DNAJB14: variants seen among roughly 807,000 people sequenced by gnomAD.
DNAJB14 encodes dnaJ homolog subfamily B member 14.
Under a neutral mutation model 48.4 loss-of-function variants are expected in DNAJB14, and 22 were observed. That is an observed-to-expected ratio of 0.45 (90% CI 0.32 to 0.65). DNAJB14 has a LOEUF of 0.65. Among genes scored for constraint, DNAJB14 ranks in the 30% least tolerant of loss-of-function variants. The pLI, the probability that DNAJB14 is intolerant of heterozygous loss-of-function variation, is 0.03. For missense variants in DNAJB14, 319 were observed against 458.8 expected (o/e 0.70, Z 2.78); for synonymous variants, 142 against 158.7 (o/e 0.89, Z 0.79).
At chr4:99,904,481 C>A (rs904608913) in intron 6 of DNAJB14, among the ~76,000 whole-genome samples, 2 of 152,074 alleles carry the variant, frequency 1.3e-5, no homozygotes, top group Non-Finnish European at 2.9e-5. Flanking sequence ...AAATTACCTT[C>A]AGGCTGTGTG....
At chr4:99,938,938 C>T (rs1726790005) in intron 1 of DNAJB14, among the ~76,000 whole-genome samples, 1 of 151,980 alleles carries the variant, frequency 6.6e-6, no homozygotes, top group African/African-American at 2.4e-5. Context: ...ATAAACGATA[C>T]CACTGCATAA....
At chr4:99,925,095 C>G (rs906609278) in intron 2 of DNAJB14, 1 of 385,328 alleles carries the variant, frequency 2.6e-6, no homozygotes, top group African/African-American at 2.1e-5. Flanking sequence ...TCCTTGAATA[C>G]CAAAATCTAC....
chr4:99,930,320 GAC>G (rs1388440200), intron 2 of DNAJB14, 128 bp downstream of exon 2: 1 of 866,702 alleles, frequency 1.2e-6, no homozygotes, highest in Non-Finnish European at 1.7e-6. Flanking sequence ...TGAAGCATAA[GAC>G]ACACCCAGAG....
chr4:99,925,040 T>C, intron 2 of DNAJB14: 2 of 490,466 alleles, frequency 4.1e-6, no homozygotes, highest in Non-Finnish European at 7.2e-6. Flanking sequence ...TAAAATACAC[T>C]GTCATCCCTT....
chr4:99,903,763 A>G lies in DNAJB14; in HGVS notation c.978T>C (p.Thr326=), dbSNP rs1439005416. Residue 326 remains threonine, a synonymous_variant, in exon 7 of 8, where the codon ACT becomes ACC. Transcript: ENST00000442697. ...VEKSVEEDYV[T]NIRNNCWKER... ...CTTTCCAGCAGTTATTTCGAATATT[A>G]GTCACATAATCTTCCTCCACACTCT... 1 of 1,610,256 alleles carries G rather than the reference A, an allele frequency of 6.2e-7. No homozygotes were observed. Among genetic ancestry groups the G allele is most frequent in the African/African-American group, 1.3e-5 (1 of 74,578 alleles).
At chr4:99,944,086 C>T (rs1025009129) in intron 1 of DNAJB14, among the ~76,000 whole-genome samples, 2 of 150,996 alleles carry the variant, frequency 1.3e-5, no homozygotes, top group African/African-American at 2.4e-5. Context: ...AGGACTTGAA[C>T]AGACATTTTC....
intron 3 of DNAJB14, among the ~76,000 whole-genome samples, chr4:99,919,576 T>C (rs1725979419): frequency 1.4e-5 from 2 of 141,286 alleles, no homozygotes; most frequent in Admixed American, 1.4e-4. Context: ...AGAGCAAGAC[T>C]CCATCTTAAA....
intron 7 of DNAJB14, among the ~76,000 whole-genome samples, 162 bp from the exon 8 acceptor site, chr4:99,901,314 T>A (rs893779870): frequency 6.6e-6 from 1 of 151,896 alleles, no homozygotes; most frequent in Non-Finnish European, 1.5e-5. Context: ...AGGAAAAAAA[T>A]TTTAATGAAA....
rs772617492 is a variant in DNAJB14 at position 99,900,985 on chromosome 4, AAAAAT to A, written c.*38_*42del. ...TGATGAAACCAAACTTACTTACAGAAAAAATAAAGAGTACGCTAAAAGGTATAAAT... is the reference window on the plus strand; with the variant it reads ...TGATGAAACCAAACTTACTTACAGAAAAAGAGTACGCTAAAAGGTATAAAT... On this transcript the variant is annotated 3_prime_UTR_variant, in exon 8 of 8. Coordinates refer to ENST00000442697, the MANE Select transcript of DNAJB14 (RefSeq NM_001031723.4). 37 of 1,571,784 alleles carry A rather than the reference AAAAAT, an allele frequency of 2.4e-5. No individual in the cohort carries two copies. The highest frequency in any genetic ancestry group is 3.0e-5 in the Non-Finnish European group (35 of 1,164,204).
chr4:99,924,958 AC>A lies in DNAJB14; in HGVS notation c.306-1774del, dbSNP rs1726197727. On this transcript the variant is annotated intron_variant, in intron 2 of 7. Coordinates refer to ENST00000442697, the MANE Select transcript of DNAJB14 (RefSeq NM_001031723.4). ...TCATTTATCCCATTTAAGTGTGAAT[AC>A]CTGTATGTTTTGCTGTAGAAATGTT... 7.9e-6 allele frequency: 5 copies of A among 633,566 alleles called. No individual in the cohort carries two copies. In the South Asian group the frequency reaches 9.2e-5, roughly 12 times the overall value. 39.2% of individuals were successfully genotyped at this position (633,566 alleles called of 1,614,324 possible).
chr4:99,903,286 G>A (rs1725355317), intron 7 of DNAJB14, among the ~76,000 whole-genome samples: 1 of 151,986 alleles, frequency 6.6e-6, no homozygotes, highest in Non-Finnish European at 1.5e-5. Context: ...AAAGAAAAAA[G>A]AAATGTCAAC....
intron 1 of DNAJB14, among the ~76,000 whole-genome samples, chr4:99,932,655 A>G (rs901607778): frequency 6.6e-6 from 1 of 152,192 alleles, no homozygotes; most frequent in African/African-American, 2.4e-5. Flanking sequence ...TCCTAAGTAC[A>G]TATCCAAGAG....
In DNAJB14 at chr4:99,934,894, TA is replaced by T. The variant is rs1373566885; in HGVS notation, c.134-4274del. 2.7e-5 allele frequency among the ~76,000 whole-genome samples: 4 copies of T among 146,820 alleles called. No individual in the cohort carries two copies. In the East Asian group the frequency reaches 7.9e-4, roughly 29 times the overall value. On this transcript the variant is annotated intron_variant, in intron 1 of 7. Coordinates refer to ENST00000442697, the MANE Select transcript of DNAJB14 (RefSeq NM_001031723.4). ...AAATAAGACATTTTAAAAAATCAATTAAAAAAAGACTAAACTAGAAGAAACT... is the reference window on the plus strand; with the variant it reads ...AAATAAGACATTTTAAAAAATCAATTAAAAAAGACTAAACTAGAAGAAACT...
Position 99,899,466 on chromosome 4 carries a change from A to G in DNAJB14, c.*1562T>C, listed in dbSNP as rs549784226. On this transcript the variant is annotated 3_prime_UTR_variant, in exon 8 of 8. Transcript: ENST00000442697. ...AGCTCTCCAGTTTTCCTATGACAGT[A>G]TGTTGTTTAGTTTAACCTACTAATT... is the stretch of plus-strand genomic sequence containing the variant. 1 of 151,560 alleles carries G rather than the reference A, an allele frequency of 6.6e-6. No individual in the cohort carries two copies. Among genetic ancestry groups the G allele is most frequent in the Admixed American group, 6.6e-5 (1 of 15,188 alleles). 9.4% of individuals were successfully genotyped at this position (151,560 alleles called of 1,614,324 possible). A position where few individuals can be genotyped will look rare whatever the true frequency, so the allele number is the denominator to read the frequency against.
At position 99,923,029 on chromosome 4, in the gene DNAJB14, G is replaced by T; in HGVS notation, c.451+11C>A. On this transcript the variant is annotated intron_variant, in intron 3 of 7. Coordinates refer to ENST00000442697, the MANE Select transcript of DNAJB14 (RefSeq NM_001031723.4). ...CAGCTTAGTAAAATTGCTTTAAAAG[G>T]TTTACTTTACTTTTAAAAGCATCTG... The T allele has an allele frequency of 1.9e-6, 3 of 1,592,728 alleles. No individual in the cohort carries two copies. The highest frequency in any genetic ancestry group is 2.6e-6 in the Non-Finnish European group (3 of 1,171,924).
intron 3 of DNAJB14, 116 bp downstream of exon 3, chr4:99,922,924 T>C (rs886195701): frequency 1.2e-5 from 14 of 1,161,472 alleles, no homozygotes; most frequent in Non-Finnish European, 1.6e-5. Flanking sequence ...TTCCAGACTC[T>C]TGCTTGTGCT....
intron 4 of DNAJB14, among the ~76,000 whole-genome samples, chr4:99,907,281 T>C (rs771013086): frequency 4.6e-5 from 7 of 152,312 alleles, no homozygotes; most frequent in Middle Eastern, 3.4e-3. Context: ...TAATTATGTA[T>C]TCTAACATGT....
At chr4:99,904,207 G>A (rs1196178710) in intron 6 of DNAJB14, among the ~76,000 whole-genome samples, 1 of 152,152 alleles carries the variant, frequency 6.6e-6, no homozygotes, top group Non-Finnish European at 1.5e-5. Flanking sequence ...TTGTTTAACA[G>A]CTGACACGGG....
At chr4:99,929,288 T>G (rs1479397974) in intron 2 of DNAJB14, 3 of 152,254 alleles carry the variant, frequency 2.0e-5, no homozygotes, top group Non-Finnish European at 2.9e-5. Context: ...AAATGAGGTT[T>G]TGCCATGTTG....
Sources: gnomAD v4.1 joint callset for allele counts (sites outside exome capture counted in the v4.1 genomes callset) on GRCh38, gnomAD v4.1.1 for gene constraint, MANE v1.5 for transcripts, NCBI Gene and HGNC (gene_info 2026-07-23, HGNC 2026-07-21) for gene names.